Variants in SLC26A7 observed in about 807,000 individuals in gnomAD.
The protein encoded by SLC26A7 is anion exchange transporter.
SLC26A7 carries 59 observed loss-of-function variants against 82.5 expected under a neutral mutation model. The ratio of observed to expected loss-of-function variants is 0.72; its 90% CI spans 0.58 to 0.89. The LOEUF is 0.89. SLC26A7 is among the 40% of genes least tolerant of loss of function. The probability of loss-of-function intolerance (pLI) is 0.00; values close to 1 mark genes in which losing one functional copy is unlikely to be tolerated. For synonymous variants in SLC26A7, 271 were observed against 274.3 expected (o/e 0.99, Z 0.12); for missense variants, 820 against 793.0 (o/e 1.03, Z -0.41).
intron 11 of SLC26A7, among the ~76,000 whole-genome samples, chr8:91,355,710 T>G (rs1813844840): frequency 6.6e-6 from 1 of 151,874 alleles, no homozygotes. Context: ...CAAATCTATC[T>G]TTTGCCTCTT....
rs148283340 is a variant in SLC26A7 at position 91,308,688 on chromosome 8, C to G, written c.478-9528C>G. Reference sequence around the variant, plus strand: ...TTACTGGAATTCTGAACATATTTGCCTATTCTCCCCTATTTATTTATTTAG... The same window carrying G: ...TTACTGGAATTCTGAACATATTTGCGTATTCTCCCCTATTTATTTATTTAG... On this transcript the variant is annotated intron_variant, in intron 4 of 18. Coordinates refer to ENST00000276609, the MANE Select transcript of SLC26A7 (RefSeq NM_052832.4). Among the ~76,000 whole-genome samples the G allele has an allele frequency of 2.7e-3, 418 of 152,236 alleles. 7 individuals are homozygous for G. Among genetic ancestry groups the G allele is most frequent in the South Asian group, 0.027 (131 of 4,828 alleles).
At chr8:91,359,425 T>A (rs891320958) in intron 11 of SLC26A7, among the ~76,000 whole-genome samples, 5 of 152,150 alleles carry the variant, frequency 3.3e-5, no homozygotes, top group African/African-American at 9.7e-5. Context: ...GAGTTTGCAT[T>A]TGGACATGTT....
At chr8:91,236,475 G>A (rs1459715542) in intron 2 of SLC26A7, among the ~76,000 whole-genome samples, 1 of 151,996 alleles carries the variant, frequency 6.6e-6, no homozygotes, top group Non-Finnish European at 1.5e-5. Flanking sequence ...TCATTTTAAT[G>A]AGACAAAATG....
At chr8:91,360,801 G>A (rs946693651) in intron 11 of SLC26A7, among the ~76,000 whole-genome samples, 4 of 152,026 alleles carry the variant, frequency 2.6e-5, no homozygotes, top group Non-Finnish European at 4.4e-5. Flanking sequence ...TGCCACACTC[G>A]GGCAGATTCA....
intron 2 of SLC26A7, among the ~76,000 whole-genome samples, chr8:91,241,947 T>G (rs1563640129): frequency 6.6e-6 from 1 of 152,172 alleles, no homozygotes; most frequent in Non-Finnish European, 1.5e-5. Flanking sequence ...TTCTGAATTT[T>G]CCCTAGTTTT....
chr8:91,274,417 C>G (rs975422522), intron 2 of SLC26A7, among the ~76,000 whole-genome samples: 2 of 152,024 alleles, frequency 1.3e-5, no homozygotes, highest in African/African-American at 4.8e-5. Context: ...CTGGCAAGGG[C>G]CTTCTTTCTG....
intron 15 of SLC26A7, among the ~76,000 whole-genome samples, chr8:91,370,394 T>C (rs1440057500): frequency 6.6e-6 from 1 of 151,978 alleles, no homozygotes; most frequent in Non-Finnish European, 1.5e-5. Context: ...TTCATTTACT[T>C]AAACATTTGA....
chr8:91,253,822 A>G (rs1810727341), intron 2 of SLC26A7, among the ~76,000 whole-genome samples: 1 of 152,220 alleles, frequency 6.6e-6, no homozygotes, highest in Middle Eastern at 3.4e-3. Context: ...AAACAAGACA[A>G]TGTCTTAATC....
At chr8:91,340,269 G>C (rs941253529) in intron 7 of SLC26A7, 135 bp from the exon 8 acceptor site, 2 of 1,080,290 alleles carry the variant, frequency 1.9e-6, no homozygotes, top group South Asian at 1.6e-5. Context: ...TAAGGGCAAG[G>C]CTGCTTGGTT....
intron 2 of SLC26A7, among the ~76,000 whole-genome samples, chr8:91,286,336 C>T (rs1370290167): frequency 6.6e-6 from 1 of 152,196 alleles, no homozygotes; most frequent in Non-Finnish European, 1.5e-5. Context: ...CTCCTGTAAC[C>T]ATTATCATAC....
At chr8:91,391,684 G>A (rs1814973791) in intron 16 of SLC26A7, among the ~76,000 whole-genome samples, 1 of 152,058 alleles carries the variant, frequency 6.6e-6, no homozygotes, top group Non-Finnish European at 1.5e-5. Context: ...CTCTTCTGAG[G>A]TGCTCATTGA....
chr8:91,390,340 A>G (rs1042731338), intron 16 of SLC26A7, among the ~76,000 whole-genome samples: 1 of 151,882 alleles, frequency 6.6e-6, no homozygotes, highest in Non-Finnish European at 1.5e-5. Context: ...GATGGTCTCC[A>G]TCTCCTGACC....
rs1331323319 is a variant in SLC26A7, at chr8:91,395,084, A to G, written c.1958A>G (p.His653Arg). 2.5e-6 allele frequency: 4 copies of G among 1,613,488 alleles called. No homozygotes were observed. Among genetic ancestry groups the G allele is most frequent in the Non-Finnish European group, 3.4e-6 (4 of 1,179,432 alleles). The change falls in exon 19 of 19, where the codon CAC becomes CGC. Residue 653 changes from histidine (H) to arginine (R), a missense_variant. By Grantham distance (29) the His-to-Arg change is conservative. Coordinates refer to ENST00000276609, the MANE Select transcript of SLC26A7 (RefSeq NM_052832.4). ...CAGAATTTGAGCAAACTCAGTGACC[A>G]CAGTGAAGTCTGAGACCCTTTTGTC... ...SNKNLSKLSD[H>R]SEV
rs546174818 is a variant in SLC26A7 at position 91,292,056 on chromosome 8, A to G, written c.304+2810A>G. On this transcript the variant is annotated intron_variant, in intron 3 of 18. Transcript: ENST00000276609. ...TGCGGTGGCTCACACCTGTAGTCCCAGCCCTTTGGGAGGCCGAAGCAGGCA... is the reference window on the plus strand; with the variant it reads ...TGCGGTGGCTCACACCTGTAGTCCCGGCCCTTTGGGAGGCCGAAGCAGGCA... Among the ~76,000 whole-genome samples the G allele has an allele frequency of 1.5e-3, 232 of 152,326 alleles. 2 individuals are homozygous for G. The highest frequency in any genetic ancestry group is 5.5e-3 in the African/African-American group (228 of 41,578).
At chr8:91,244,327 CTTTTCTTCTTCTTTTCCT>C (rs1387470984), upstream of SLC26A7, among the ~76,000 whole-genome samples, 2 of 151,754 alleles carry the variant, frequency 1.3e-5, no homozygotes, top group Non-Finnish European at 1.5e-5. Context: ...TCTCCTCTTC[CTTTTCTTCTTCTTTTCCT>C]TTTTCTTCTT....
At chr8:91,271,666 C>T (rs1811274450) in intron 2 of SLC26A7, among the ~76,000 whole-genome samples, 2 of 145,234 alleles carry the variant, frequency 1.4e-5, no homozygotes, top group Non-Finnish European at 1.5e-5. Flanking sequence ...GTGATCTTGG[C>T]TCACTGGAAG....
intron 14 of SLC26A7, 129 bp downstream of exon 14, chr8:91,366,846 T>G: frequency 1.0e-6 from 1 of 988,996 alleles, no homozygotes; most frequent in Non-Finnish European, 1.5e-6. Flanking sequence ...GCAAAACCTA[T>G]GATTATTTGA....
upstream of SLC26A7, among the ~76,000 whole-genome samples, chr8:91,247,938 T>C (rs139693499): frequency 2.3e-3 from 350 of 152,302 alleles, 6 homozygotes; most frequent in African/African-American, 7.9e-3. Flanking sequence ...AGTGTATGTA[T>C]AGCTTCTGAA....
chr8:91,338,372 C>T, intron 7 of SLC26A7, 140 bp downstream of exon 7: 8 of 532,666 alleles, frequency 1.5e-5, no homozygotes, highest in Non-Finnish European at 2.2e-5. Context: ...GAAATACACA[C>T]TTCATGTGTA....
Sources: gnomAD v4.1 joint callset for allele counts (sites outside exome capture counted in the v4.1 genomes callset) on GRCh38, gnomAD v4.1.1 for gene constraint, MANE v1.5 for transcripts, NCBI Gene and HGNC (gene_info 2026-07-23, HGNC 2026-07-21) for gene names.